Variants in CCDC192 observed in about 807,000 individuals in gnomAD.
The protein encoded by CCDC192 is coiled-coil domain-containing protein 192.
intron 5 of CCDC192, among the ~76,000 whole-genome samples, chr5:127,820,272 T>C (rs1198483227): frequency 1.3e-5 from 2 of 152,214 alleles, no homozygotes; most frequent in Non-Finnish European, 2.9e-5. Flanking sequence ...AGGTCAATAA[T>C]ATAAAGGCAT....
chr5:127,840,998 C>T lies in CCDC192; in HGVS notation c.412-34540C>T, dbSNP rs1338852281. Among the ~76,000 whole-genome samples the T allele has an allele frequency of 2.0e-5, 3 of 152,128 alleles. No homozygotes were observed. In the East Asian group the frequency reaches 5.8e-4, roughly 29 times the overall value. On this transcript the variant is annotated intron_variant, in intron 5 of 6. Transcript: ENST00000514853. ...GTCAACCAGAACCCTGACCTTTGAG[C>T]CTTTTCAGGTTTTGTATAGAACAAA... is the stretch of plus-strand genomic sequence containing the variant.
chr5:127,745,893 C>A (rs1400872279), intron 2 of CCDC192, among the ~76,000 whole-genome samples: 1 of 152,196 alleles, frequency 6.6e-6, no homozygotes, highest in Admixed American at 6.5e-5. Context: ...TGCCATTGCA[C>A]CTTGCAAAAC....
intron 6 of CCDC192, among the ~76,000 whole-genome samples, chr5:127,917,622 C>T (rs1561550935): frequency 6.6e-6 from 1 of 152,050 alleles, no homozygotes; most frequent in Admixed American, 6.6e-5. Flanking sequence ...ATGGGGAAAT[C>T]GTCAGTAAGT....
chr5:127,734,016 G>A (rs985422505), intron 2 of CCDC192, among the ~76,000 whole-genome samples: 15 of 150,086 alleles, frequency 1.0e-4, no homozygotes, highest in African/African-American at 2.0e-4. Context: ...ATGCTGGTGC[G>A]CTGCACCCAC....
At chr5:127,773,746 G>A (rs1188547947) in intron 3 of CCDC192, among the ~76,000 whole-genome samples, 3 of 152,102 alleles carry the variant, frequency 2.0e-5, no homozygotes, top group African/African-American at 4.8e-5. Context: ...TATTTTGTGG[G>A]TGTAAGTGTT....
At chr5:127,894,337 C>T (rs894754048) in intron 6 of CCDC192, among the ~76,000 whole-genome samples, 2 of 151,738 alleles carry the variant, frequency 1.3e-5, no homozygotes, top group Non-Finnish European at 2.9e-5. Context: ...AGACTACAGG[C>T]GCCTGCCACC....
At chr5:127,842,015 G>A (rs1750313136) in intron 5 of CCDC192, among the ~76,000 whole-genome samples, 1 of 152,162 alleles carries the variant, frequency 6.6e-6, no homozygotes, top group Admixed American at 6.5e-5. Flanking sequence ...GACAGGCTCT[G>A]TTTTAAAGGG....
At chr5:127,820,119 A>G (rs1481840025) in intron 5 of CCDC192, among the ~76,000 whole-genome samples, 1 of 152,234 alleles carries the variant, frequency 6.6e-6, no homozygotes, top group Non-Finnish European at 1.5e-5. Context: ...GAGACTGAAC[A>G]AAGATAATTT....
At chr5:127,803,333 C>A (rs1279817693) in intron 5 of CCDC192, among the ~76,000 whole-genome samples, 1 of 152,134 alleles carries the variant, frequency 6.6e-6, no homozygotes, top group African/African-American at 2.4e-5. Flanking sequence ...AAGGGTTACC[C>A]CTCCCAGTGC....
At chr5:127,865,838 A>G (rs1751585889) in intron 5 of CCDC192, among the ~76,000 whole-genome samples, 1 of 151,998 alleles carries the variant, frequency 6.6e-6, no homozygotes, top group South Asian at 2.1e-4. Flanking sequence ...TCAAGATCAC[A>G]TTTGTAATTT....
intron 3 of CCDC192, among the ~76,000 whole-genome samples, chr5:127,791,886 A>T (rs1236221383): frequency 6.6e-6 from 1 of 152,248 alleles, no homozygotes; most frequent in African/African-American, 2.4e-5. Flanking sequence ...CAGAGAGCAA[A>T]TTCCAGACTT....
chr5:127,754,799 C>T (rs1050363198), intron 3 of CCDC192, among the ~76,000 whole-genome samples: 2 of 152,140 alleles, frequency 1.3e-5, no homozygotes, highest in Non-Finnish European at 1.5e-5. Flanking sequence ...TTTTAGGAAA[C>T]TTTACTTGGA....
intron 1 of CCDC192, among the ~76,000 whole-genome samples, chr5:127,705,007 A>G (rs1750884165): frequency 6.6e-6 from 1 of 152,108 alleles, no homozygotes; most frequent in African/African-American, 2.4e-5. Flanking sequence ...TGTTCTTATA[A>G]TGCACTGAGA....
intron 6 of CCDC192, among the ~76,000 whole-genome samples, chr5:127,923,409 A>G (rs144568961): frequency 0.012 from 1,761 of 145,230 alleles, 29 homozygotes; most frequent in African/African-American, 0.043. Context: ...ACAGAGTCTC[A>G]CTCTGCCTCC....
At chr5:127,743,108 G>A (rs1753517009) in intron 2 of CCDC192, among the ~76,000 whole-genome samples, 1 of 151,958 alleles carries the variant, frequency 6.6e-6, no homozygotes, top group Admixed American at 6.6e-5. Context: ...GGAGAAGAGG[G>A]GATGAGAAGA....
intron 3 of CCDC192, among the ~76,000 whole-genome samples, chr5:127,758,764 G>C (rs1350786336): frequency 1.3e-5 from 2 of 152,186 alleles, no homozygotes; most frequent in East Asian, 1.9e-4. Flanking sequence ...AGCATTTCTA[G>C]AGAAGCCCAT....
intron 6 of CCDC192, among the ~76,000 whole-genome samples, chr5:127,881,011 A>G (rs1183952824): frequency 6.6e-6 from 1 of 152,146 alleles, no homozygotes. Flanking sequence ...ATACATACAT[A>G]CAGTGTAATA....
chr5:127,886,142 C>T (rs61206778), intron 6 of CCDC192, among the ~76,000 whole-genome samples: 5,192 of 152,204 alleles, frequency 0.034, 202 homozygotes, highest in Middle Eastern at 0.11. Flanking sequence ...TAAATGTCCC[C>T]GACTCCCCAG....
At chr5:127,846,095 C>A (rs1333651795) in intron 5 of CCDC192, among the ~76,000 whole-genome samples, 1 of 152,042 alleles carries the variant, frequency 6.6e-6, no homozygotes, top group East Asian at 1.9e-4. Flanking sequence ...TCGAGACCAG[C>A]CTGGCCAACA....
Sources: allele counts gnomAD v4.1 joint callset (sites outside exome capture counted in the v4.1 genomes callset), GRCh38; gene constraint gnomAD v4.1.1; transcripts MANE v1.5; gene names NCBI Gene and HGNC (gene_info 2026-07-23, HGNC 2026-07-21).